WWP2: variants seen among roughly 807,000 people sequenced by gnomAD.
WWP2 encodes the protein NEDD4-like E3 ubiquitin-protein ligase WWP2.
Under a neutral mutation model 121.0 loss-of-function variants are expected in WWP2, and 57 were observed. That is an observed-to-expected ratio of 0.47 (90% CI 0.38 to 0.59). The LOEUF (loss-of-function observed/expected upper bound fraction) is 0.59. Ranked by LOEUF, WWP2 falls within the 20% of genes least tolerant of loss-of-function variation. The pLI is 0.00. For missense variants in WWP2, 962 were observed against 1,158.9 expected, an observed-to-expected ratio of 0.83 and a Z score of 2.47; for synonymous variants, 449 against 441.3, an observed-to-expected ratio of 1.02 and a Z score of -0.22.
In WWP2 at chr16:69,840,168, A is replaced by C. The variant is rs2056950770; in HGVS notation, c.383A>C (p.Lys128Thr). The C allele has an allele frequency of 3.7e-6, 6 of 1,614,136 alleles. No homozygotes were observed. The highest frequency in any genetic ancestry group is 2.7e-5 in the African/African-American group (2 of 74,946). Residue 128 changes from lysine (K) to threonine (T), a missense_variant, in exon 5 of 24, where the codon AAA (lysine) becomes ACA (threonine). Around this residue, in one of 3 missense-constraint regions of WWP2, gnomAD observed 145 missense variants for 189.8 expected, o/e 0.76. Coordinates refer to ENST00000359154, the MANE Select transcript of WWP2 (RefSeq NM_001270454.2). ...ACCCTGAACCTGCAGACGGAGAACA[A>C]AGGCAGCGTTGTCTCAGGCGGAGAG... ...QLTLNLQTEN[K>T]GSVVSGGELT...
intron 6 of WWP2, among the ~76,000 whole-genome samples, chr16:69,853,138 A>G (rs1380489469): frequency 6.6e-6 from 1 of 152,348 alleles, no homozygotes; most frequent in East Asian, 1.9e-4. Flanking sequence ...AGTCTAATGG[A>G]TGAATTCGGA....
intron 6 of WWP2, among the ~76,000 whole-genome samples, chr16:69,849,194 C>T (rs977884029): frequency 3.2e-4 from 48 of 151,966 alleles, no homozygotes; most frequent in African/African-American, 9.2e-4. Flanking sequence ...CTGGGAGGGC[C>T]GGGGGAGAAT....
chr16:69,833,915 A>C (rs139615581), intron 4 of WWP2, among the ~76,000 whole-genome samples: 1 of 152,198 alleles, frequency 6.6e-6, no homozygotes, highest in African/African-American at 2.4e-5. Flanking sequence ...GGGGCTTTCT[A>C]ACTCATGCTA....
intron 1 of WWP2, among the ~76,000 whole-genome samples, chr16:69,764,592 T>C (rs1369399924): frequency 6.6e-6 from 1 of 152,174 alleles, no homozygotes; most frequent in Non-Finnish European, 1.5e-5. Flanking sequence ...TGTGAGTAAA[T>C]GAAGTTTAGA....
chr16:69,856,935 G>GT (rs948998090), intron 6 of WWP2, among the ~76,000 whole-genome samples: 3 of 151,994 alleles, frequency 2.0e-5, no homozygotes, highest in East Asian at 1.9e-4. Flanking sequence ...TTTAGGTAGT[G>GT]TTTTTTTGTA....
chr16:69,933,912 G>C, intron 16 of WWP2, 58 bp from the exon 17 acceptor site: 2 of 1,571,450 alleles, frequency 1.3e-6, no homozygotes, highest in Non-Finnish European at 8.7e-7. Flanking sequence ...CACAGCTCCT[G>C]TGCAGATGTG....
intron 8 of WWP2, among the ~76,000 whole-genome samples, chr16:69,889,957 G>C (rs1405615590): frequency 6.6e-6 from 1 of 151,824 alleles, no homozygotes; most frequent in Non-Finnish European, 1.5e-5. Flanking sequence ...CACTTTCATT[G>C]TTGTTGTTGT....
At chr16:69,829,983 C>G (rs2056765636) in intron 4 of WWP2, among the ~76,000 whole-genome samples, 1 of 147,286 alleles carries the variant, frequency 6.8e-6, no homozygotes, top group Non-Finnish European at 1.5e-5. Flanking sequence ...CAGATAGAGT[C>G]TAACTCTTTC....
intron 4 of WWP2, among the ~76,000 whole-genome samples, chr16:69,801,138 G>A (rs556331497): frequency 1.4e-5 from 2 of 145,082 alleles, no homozygotes; most frequent in South Asian, 2.2e-4. Context: ...CCAGTGAGCC[G>A]AGATTGCGCC....
chr16:69,930,484 AATAAAAAAG>A (rs2058696022), intron 13 of WWP2, among the ~76,000 whole-genome samples: 2 of 152,170 alleles, frequency 1.3e-5, no homozygotes, highest in Admixed American at 6.5e-5. Context: ...TCTCCACAAC[AATAAAAAAG>A]ATTAACCAGG....
chr16:69,809,575 T>G (rs778293263), intron 4 of WWP2, among the ~76,000 whole-genome samples: 5 of 152,138 alleles, frequency 3.3e-5, no homozygotes, highest in Non-Finnish European at 5.9e-5. Context: ...GAGACCAGCC[T>G]GACCAACATG....
intron 8 of WWP2, among the ~76,000 whole-genome samples, chr16:69,895,311 T>C (rs1489059147): frequency 6.6e-6 from 1 of 152,252 alleles, no homozygotes; most frequent in Non-Finnish European, 1.5e-5. Flanking sequence ...AACACTGAGC[T>C]GCTCAAAACT....
At chr16:69,850,985 T>C (rs2057198559) in intron 6 of WWP2, among the ~76,000 whole-genome samples, 1 of 151,394 alleles carries the variant, frequency 6.6e-6, no homozygotes, top group African/African-American at 2.4e-5. Flanking sequence ...AAGTCCAAAA[T>C]GTATATTAGG....
rs149120416 is a variant in WWP2 at position 69,915,058 on chromosome 16, G to A, written c.1005-2651G>A. ...AAGGACACAGAGCGGGTGTGAGATG[G>A]ACACACAACTGTCCCCGTCAGATGA... On this transcript the variant is annotated intron_variant, in intron 9 of 23. Transcript: ENST00000359154. 3.0e-4 allele frequency among the ~76,000 whole-genome samples: 46 copies of A among 152,284 alleles called. No individual in the cohort carries two copies. The Middle Eastern group carries it at 0.01, about 34-fold the overall frequency.
intron 8 of WWP2, among the ~76,000 whole-genome samples, chr16:69,900,585 C>T (rs558499677): frequency 2.6e-4 from 40 of 151,732 alleles, no homozygotes; most frequent in East Asian, 1.7e-3. Flanking sequence ...TGCAGTGGTG[C>T]GATCTCAGAT....
chr16:69,885,614 T>C (rs969718664), intron 7 of WWP2, among the ~76,000 whole-genome samples: 1 of 152,128 alleles, frequency 6.6e-6, no homozygotes, highest in Admixed American at 6.5e-5. Flanking sequence ...TAATCTTCGG[T>C]TGAATTAGAG....
chr16:69,791,454 C>G (rs763773885), intron 2 of WWP2, among the ~76,000 whole-genome samples: 1 of 152,156 alleles, frequency 6.6e-6, no homozygotes, highest in Non-Finnish European at 1.5e-5. Flanking sequence ...TCTCAAACTC[C>G]TGACCTCAGG....
At chr16:69,779,301 A>G (rs2055613639) in intron 1 of WWP2, among the ~76,000 whole-genome samples, 1 of 152,212 alleles carries the variant, frequency 6.6e-6, no homozygotes, top group South Asian at 2.1e-4. Context: ...TTACAATTCC[A>G]AATGCCTACA....
intron 4 of WWP2, among the ~76,000 whole-genome samples, chr16:69,812,655 T>TC (rs2056417387): frequency 6.6e-6 from 1 of 151,946 alleles, no homozygotes; most frequent in Non-Finnish European, 1.5e-5. Context: ...TTAAAAATTA[T>TC]TTGGCAGATT....
Sources: allele counts gnomAD v4.1 joint callset (sites outside exome capture counted in the v4.1 genomes callset), GRCh38; gene constraint gnomAD v4.1.1; regional missense constraint gnomAD v4.1.1; transcripts MANE v1.5; gene names NCBI Gene and HGNC (gene_info 2026-07-23, HGNC 2026-07-21).